GLDC: variants seen among roughly 807,000 people sequenced by gnomAD.
GLDC encodes the protein glycine decarboxylase.
A neutral mutation model predicts 121.3 loss-of-function variants in GLDC; 104 were observed. That is an observed-to-expected ratio of 0.86 (90% CI 0.73 to 1.01). The LOEUF (loss-of-function observed/expected upper bound fraction) is 1.01, where lower values mean the gene tolerates loss of function less well. GLDC is among the 50% of genes least tolerant of loss of function. The probability of loss-of-function intolerance (pLI) is 0.00; values close to 1 mark genes in which losing one functional copy is unlikely to be tolerated. For synonymous variants in GLDC, 546 were observed against 480.6 expected (o/e 1.14, Z -1.78); for missense variants, 1,429 against 1,306.6 (o/e 1.09, Z -1.44).
intron 1 of GLDC, 107 bp downstream of exon 1, chr9:6,645,138 G>A: frequency 8.5e-7 from 1 of 1,169,634 alleles, no homozygotes; most frequent in Non-Finnish European, 1.2e-6. Context: ...AGGGTGCGGG[G>A]ACCACGCGGA....
At chr9:6,622,948 G>A (rs1477008450) in intron 2 of GLDC, 1 of 203,198 alleles carries the variant, frequency 4.9e-6, no homozygotes, top group Non-Finnish European at 1.0e-5. Context: ...CGTCTGGGAG[G>A]TGAGGAACGT....
intron 8 of GLDC, among the ~76,000 whole-genome samples, chr9:6,600,722 TG>T (rs899954759): frequency 1.3e-5 from 2 of 151,066 alleles, no homozygotes; most frequent in African/African-American, 4.9e-5. Flanking sequence ...GCACTTAGAA[TG>T]GATCCTGTGC....
chr9:6,612,253 T>TCTCACACACA (rs1554648951), intron 3 of GLDC, among the ~76,000 whole-genome samples: 182 of 150,112 alleles, frequency 1.2e-3, no homozygotes, highest in African/African-American at 4.1e-3. Context: ...TCTCTCTCTC[T>TCTCACACACA]CACACACACT....
intron 2 of GLDC, among the ~76,000 whole-genome samples, chr9:6,629,933 A>ATATATATGTGTGTATATATATATATG (rs1554650744): frequency 7.9e-5 from 7 of 88,686 alleles, no homozygotes; most frequent in African/African-American, 5.5e-4. Context: ...TTTTCACTAT[A>ATATATATGTGTGTATATATATATATG]TATATATATA....
At chr9:6,633,611 C>CACCA (rs1423863275) in intron 2 of GLDC, among the ~76,000 whole-genome samples, 1 of 151,944 alleles carries the variant, frequency 6.6e-6, no homozygotes, top group Non-Finnish European at 1.5e-5. Flanking sequence ...CTGGATCAAC[C>CACCA]ACCACGTCTG....
In GLDC at chr9:6,625,598, A is replaced by G. The variant is rs576344010; in HGVS notation, c.335-5279T>C. On this transcript the variant is annotated intron_variant, in intron 2 of 24. Transcript: ENST00000321612. Reference sequence around the variant, plus strand: ...GGGATAGGAATTTGGCTATTGTGCCAAGAGCCAAAATTACAGTCCCTCACT... The same window carrying G: ...GGGATAGGAATTTGGCTATTGTGCCGAGAGCCAAAATTACAGTCCCTCACT... Among the ~76,000 whole-genome samples the G allele has an allele frequency of 1.0e-3, 153 of 152,282 alleles. 1 individual carries two copies. The highest frequency in any genetic ancestry group is 3.6e-3 in the African/African-American group (149 of 41,554).
chr9:6,585,299 G>GA (rs750325048), intron 15 of GLDC, among the ~76,000 whole-genome samples: 3 of 152,180 alleles, frequency 2.0e-5, no homozygotes, highest in Admixed American at 6.5e-5. Flanking sequence ...ATATGACAGT[G>GA]AAAATGTGAT....
At chr9:6,561,080 T>G (rs1159621301) in intron 16 of GLDC, among the ~76,000 whole-genome samples, 1 of 152,216 alleles carries the variant, frequency 6.6e-6, no homozygotes, top group African/African-American at 2.4e-5. Context: ...ACCAACACTT[T>G]GACTTTAGCC....
At chr9:6,600,398 C>T (rs1818581031) in intron 8 of GLDC, among the ~76,000 whole-genome samples, 2 of 151,400 alleles carry the variant, frequency 1.3e-5, no homozygotes, top group African/African-American at 4.9e-5. Context: ...AAAAAGAAGC[C>T]AGGTGCCATG....
intron 3 of GLDC, among the ~76,000 whole-genome samples, chr9:6,614,308 C>A (rs950264873): frequency 6.6e-6 from 1 of 152,118 alleles, no homozygotes; most frequent in Admixed American, 6.6e-5. Context: ...GATCTTGGCT[C>A]GCTGCAACCT....
chr9:6,601,691 C>A (rs1021907778), intron 8 of GLDC, among the ~76,000 whole-genome samples: 6 of 152,298 alleles, frequency 3.9e-5, no homozygotes, highest in African/African-American at 1.4e-4. Flanking sequence ...GTGGCATAAT[C>A]ATGGCTCACT....
rs73639333 is a variant in GLDC at position 6,626,336 on chromosome 9, G to C, written c.335-6017C>G. ...CCAGTCCTGACAATTAGCTCCAGGAGACCAGTCAAGAAGCGCAATTGACTA... is the reference window on the plus strand; with the variant it reads ...CCAGTCCTGACAATTAGCTCCAGGACACCAGTCAAGAAGCGCAATTGACTA... On this transcript the variant is annotated intron_variant, in intron 2 of 24. Coordinates refer to ENST00000321612, the MANE Select transcript of GLDC (RefSeq NM_000170.3). Among the ~76,000 whole-genome samples, 12 of 152,304 alleles carry C rather than the reference G, an allele frequency of 7.9e-5. No homozygotes were observed. In the South Asian group the frequency reaches 2.5e-3, roughly 32 times the overall value.
chr9:6,635,311 T>A (rs1819478842), intron 2 of GLDC, among the ~76,000 whole-genome samples: 1 of 152,214 alleles, frequency 6.6e-6, no homozygotes. Context: ...GAAGGAGATT[T>A]GGCAATAGTA....
intron 21 of GLDC, among the ~76,000 whole-genome samples, chr9:6,545,398 A>T (rs1817366952): frequency 1.3e-5 from 2 of 152,176 alleles, no homozygotes; most frequent in Non-Finnish European, 2.9e-5. Flanking sequence ...AACATAGAAA[A>T]GACAGAGCAA....
At chr9:6,589,823 G>A (rs995690505) in intron 11 of GLDC, among the ~76,000 whole-genome samples, 4 of 152,186 alleles carry the variant, frequency 2.6e-5, no homozygotes, top group East Asian at 1.9e-4. Context: ...TTGGGAGGCC[G>A]AGGTGGGTGG....
In GLDC at chr9:6,605,128, T is replaced by G; in HGVS notation, c.861+3A>C. ...GGACCCCCCACAAGAAAGGTATACC[T>G]ACCCCACTCTGATGAGCTCTCTCCA... On this transcript the variant is annotated splice_donor_region_variant and intron_variant, in intron 6 of 24. Transcript: ENST00000321612. The G allele has an allele frequency of 2.5e-6, 4 of 1,611,584 alleles. No homozygotes were observed. Among genetic ancestry groups the G allele is most frequent in the Non-Finnish European group, 3.4e-6 (4 of 1,179,278 alleles).
intron 21 of GLDC, among the ~76,000 whole-genome samples, chr9:6,547,382 T>C (rs762756199): frequency 2.0e-5 from 3 of 152,200 alleles, no homozygotes; most frequent in African/African-American, 7.2e-5. Flanking sequence ...ATTGAGCGCA[T>C]TGGCTACATA....
intron 2 of GLDC, among the ~76,000 whole-genome samples, chr9:6,633,588 A>G (rs1401950074): frequency 6.6e-6 from 1 of 151,972 alleles, no homozygotes; most frequent in Non-Finnish European, 1.5e-5. Context: ...TGACAGCCTC[A>G]TCTCCTGCCT....
intron 2 of GLDC, among the ~76,000 whole-genome samples, chr9:6,640,663 G>C (rs1199289421): frequency 6.6e-6 from 1 of 152,206 alleles, no homozygotes; most frequent in East Asian, 1.9e-4. Flanking sequence ...CACAAGCAAT[G>C]TGCAATTTTG....
Sources: gnomAD v4.1 joint callset for allele counts (sites outside exome capture counted in the v4.1 genomes callset) on GRCh38, gnomAD v4.1.1 for gene constraint, MANE v1.5 for transcripts, NCBI Gene and HGNC (gene_info 2026-07-23, HGNC 2026-07-21) for gene names.